Variants in GAD2 observed in about 807,000 individuals in gnomAD.
GAD2 encodes the protein glutamate decarboxylase 2.
Under a neutral mutation model 80.1 loss-of-function variants are expected in GAD2, and 22 were observed. That is an observed-to-expected ratio of 0.27 (90% CI 0.20 to 0.39). GAD2 has a LOEUF of 0.39. Among genes scored for constraint, GAD2 ranks in the 10% least tolerant of loss-of-function variants. The pLI, the probability that GAD2 is intolerant of heterozygous loss-of-function variation, is 1.00. For missense variants in GAD2, 624 were observed against 738.4 expected, an observed-to-expected ratio of 0.85 and a Z score of 1.80; for synonymous variants, 274 against 256.9, an observed-to-expected ratio of 1.07 and a Z score of -0.64.
rs764816483 is a variant in GAD2 at position 26,273,716 on chromosome 10, C to G, written c.1157+16C>G. ...GCGTGGAGAGGTATGTTGCATTTTTCTTATTAACAACATAAAGTGTTAAAA... is the reference window on the plus strand; with the variant it reads ...GCGTGGAGAGGTATGTTGCATTTTTGTTATTAACAACATAAAGTGTTAAAA... On this transcript the variant is annotated intron_variant, in intron 11 of 15. Coordinates refer to ENST00000376261, the MANE Select transcript of GAD2 (RefSeq NM_001134366.2). 1.2e-6 allele frequency: 2 copies of G among 1,607,288 alleles called. No homozygotes were observed. The highest frequency in any genetic ancestry group is 1.7e-6 in the Non-Finnish European group (2 of 1,174,904).
In GAD2 at chr10:26,301,084, A is replaced by C. The variant is rs985286927; in HGVS notation, c.*123A>C. 1 of 841,440 alleles carries C rather than the reference A, an allele frequency of 1.2e-6. No individual in the cohort carries two copies. Among genetic ancestry groups the C allele is most frequent in the African/African-American group, 1.7e-5 (1 of 58,910 alleles). 52.1% of individuals were successfully genotyped at this position (841,440 alleles called of 1,614,324 possible). A position where few individuals can be genotyped will look rare whatever the true frequency, so the allele number is the denominator to read the frequency against. On this transcript the variant is annotated 3_prime_UTR_variant, in exon 16 of 16. Transcript: ENST00000376261. ...TTTCTATATTGTGGTGTCAAAGTAG[A>C]GTTTAAAAATTAAACAAAAAAGACA...
At chr10:26,236,041 A>G (rs553949388) in intron 7 of GAD2, among the ~76,000 whole-genome samples, 1 of 152,312 alleles carries the variant, frequency 6.6e-6, no homozygotes, top group East Asian at 1.9e-4. Flanking sequence ...CCAGTTGCCA[A>G]TGTTCTGCTG....
At chr10:26,232,094 T>C (rs953321547) in intron 7 of GAD2, among the ~76,000 whole-genome samples, 1 of 152,236 alleles carries the variant, frequency 6.6e-6, no homozygotes, top group Non-Finnish European at 1.5e-5. Context: ...CACCAGGAGA[T>C]AACTTTCTTT....
At chr10:26,288,207 T>C (rs1378785315) in intron 13 of GAD2, among the ~76,000 whole-genome samples, 2 of 152,208 alleles carry the variant, frequency 1.3e-5, no homozygotes, top group African/African-American at 2.4e-5. Flanking sequence ...AACAGAAAGA[T>C]GGTCTTGCTT....
chr10:26,232,859 C>T (rs1013288032), intron 7 of GAD2, among the ~76,000 whole-genome samples: 1 of 152,172 alleles, frequency 6.6e-6, no homozygotes, highest in East Asian at 1.9e-4. Context: ...CCATTTGACT[C>T]TCCCTTCTCC....
At chr10:26,248,363 C>T (rs1167356967) in intron 8 of GAD2, among the ~76,000 whole-genome samples, 1 of 152,164 alleles carries the variant, frequency 6.6e-6, no homozygotes, top group African/African-American at 2.4e-5. Context: ...CAGGGGTGTG[C>T]CTCCCTCCAG....
At chr10:26,246,208 G>T (rs997695409) in intron 8 of GAD2, among the ~76,000 whole-genome samples, 3 of 152,216 alleles carry the variant, frequency 2.0e-5, no homozygotes, top group Admixed American at 2.0e-4. Context: ...CACAGCCCTT[G>T]CCTGAATCAA....
intron 4 of GAD2, among the ~76,000 whole-genome samples, chr10:26,220,711 A>C (rs372526636): frequency 3.9e-5 from 6 of 152,346 alleles, no homozygotes; most frequent in African/African-American, 1.4e-4. Flanking sequence ...ATACGTTAAT[A>C]GTAAATTGCC....
chr10:26,242,818 G>A (rs917140581), intron 7 of GAD2, among the ~76,000 whole-genome samples: 1 of 152,098 alleles, frequency 6.6e-6, no homozygotes, highest in Non-Finnish European at 1.5e-5. Context: ...ACAAGAATAC[G>A]TCCTCCCATT....
chr10:26,223,267 G>A (rs2132271726), intron 4 of GAD2, among the ~76,000 whole-genome samples: 1 of 152,278 alleles, frequency 6.6e-6, no homozygotes. Context: ...ACAAGAATTA[G>A]CTTTGTCCAT....
intron 8 of GAD2, among the ~76,000 whole-genome samples, chr10:26,261,968 T>C (rs1220076682): frequency 1.3e-5 from 2 of 152,200 alleles, no homozygotes; most frequent in Non-Finnish European, 2.9e-5. Flanking sequence ...TCCTACTTGA[T>C]GCAATGCGAA....
At chr10:26,279,824 A>G (rs1845252051) in intron 11 of GAD2, among the ~76,000 whole-genome samples, 1 of 152,236 alleles carries the variant, frequency 6.6e-6, no homozygotes, top group Admixed American at 6.5e-5. Context: ...AACCACACAC[A>G]TCTCACCTGC....
intron 12 of GAD2, among the ~76,000 whole-genome samples, chr10:26,285,964 T>C (rs7902107): frequency 0.39 from 59,567 of 152,074 alleles, 13,986 homozygotes; most frequent in African/African-American, 0.67. Context: ...ATTTTAATCA[T>C]GACAAAACCA....
intron 8 of GAD2, 27 bp from the exon 9 acceptor site, chr10:26,269,092 C>A (rs762790657): frequency 6.4e-7 from 1 of 1,562,886 alleles, no homozygotes; most frequent in Non-Finnish European, 8.7e-7. Context: ...TTATTCAAAG[C>A]AAATCTATAT....
At chr10:26,297,510 G>C (rs1834287570) in intron 15 of GAD2, among the ~76,000 whole-genome samples, 1 of 152,168 alleles carries the variant, frequency 6.6e-6, no homozygotes, top group African/African-American at 2.4e-5. Context: ...ATTAAGGCAG[G>C]CCCAAAGAGC....
At chr10:26,295,439 A>G (rs189146140) in intron 15 of GAD2, among the ~76,000 whole-genome samples, 32 of 151,658 alleles carry the variant, frequency 2.1e-4, no homozygotes, top group Non-Finnish European at 4.4e-4. Context: ...GACTTTCTGG[A>G]AAGTTCTTTA....
chr10:26,222,704 A>C (rs181944594), intron 4 of GAD2, among the ~76,000 whole-genome samples: 177 of 152,336 alleles, frequency 1.2e-3, no homozygotes, highest in Admixed American at 2.5e-3. Context: ...CTCCCAGCTT[A>C]TATCTTTACC....
At chr10:26,224,733 T>C in intron 6 of GAD2, 82 bp downstream of exon 6, 1 of 990,482 alleles carries the variant, frequency 1.0e-6, no homozygotes, top group Non-Finnish European at 1.6e-6. Flanking sequence ...ATTAAAAATC[T>C]AGCCTATGCC....
intron 8 of GAD2, among the ~76,000 whole-genome samples, chr10:26,251,472 T>C (rs1274038650): frequency 6.6e-6 from 1 of 152,244 alleles, no homozygotes; most frequent in African/African-American, 2.4e-5. Context: ...AGGATTGTTA[T>C]GAAGATTCAA....
Sources: gnomAD v4.1 joint callset for allele counts (sites outside exome capture counted in the v4.1 genomes callset) on GRCh38, gnomAD v4.1.1 for gene constraint, MANE v1.5 for transcripts, NCBI Gene and HGNC (gene_info 2026-07-23, HGNC 2026-07-21) for gene names.